Variants in CCDC28A observed in about 807,000 individuals in gnomAD.
CCDC28A encodes coiled-coil domain containing 28A.
Under a neutral mutation model 22.1 loss-of-function variants are expected in CCDC28A, and 24 were observed. The observed-to-expected ratio is 1.09, with a 90% CI of 0.79 to 1.53. The LOEUF is 1.53. CCDC28A is among the 40% of genes most tolerant of loss of function. CCDC28A has a pLI of 0.00. For missense variants in CCDC28A, 170 were observed against 210.7 expected, an observed-to-expected ratio of 0.81 and a Z score of 1.20; for synonymous variants, 83 against 74.7, an observed-to-expected ratio of 1.11 and a Z score of -0.57.
At chr6:138,788,256 C>A in intron 4 of CCDC28A, 110 bp from the exon 5 acceptor site, 1 of 438,946 alleles carries the variant, frequency 2.3e-6, no homozygotes, top group Non-Finnish European at 4.0e-6. Flanking sequence ...TCACTGTGAC[C>A]AGCACAAGAA....
chr6:138,777,823 G>A (rs1299791601), intron 2 of CCDC28A, among the ~76,000 whole-genome samples: 1 of 151,980 alleles, frequency 6.6e-6, no homozygotes, highest in African/African-American at 2.4e-5. Flanking sequence ...AAATTTGAGA[G>A]GAAAAAAATA....
intron 1 of CCDC28A, among the ~76,000 whole-genome samples, chr6:138,774,560 G>A (rs72985034): frequency 0.031 from 4,796 of 152,346 alleles, 113 homozygotes; most frequent in Non-Finnish European, 0.041. Flanking sequence ...TAGAGACTGG[G>A]CATTGGAGCC....
Position 138,776,171 on chromosome 6 carries a change from C to T in CCDC28A, c.51C>T (p.His17=). The part of the protein sequence containing the change: ...KRRSPKSFSA[H]CTQVVNAKKN... ...GGAGTCCTAAGTCTTTTAGTGCCCA[C>T]TGTACTCAGGTTGTCAATGCCAAAA... The change falls in exon 2 of 6, where the codon CAC becomes CAT. Residue 17 remains histidine (H), a synonymous_variant. Coordinates refer to ENST00000617445, the MANE Select transcript of CCDC28A (RefSeq NM_015439.3). 6.2e-7 allele frequency: 1 copy of T among 1,613,848 alleles called. No homozygotes were observed. The highest frequency in any genetic ancestry group is 8.5e-7 in the Non-Finnish European group (1 of 1,179,762).
intron 2 of CCDC28A, among the ~76,000 whole-genome samples, chr6:138,778,879 T>G (rs1182188949): frequency 6.6e-6 from 1 of 151,884 alleles, no homozygotes; most frequent in African/African-American, 2.4e-5. Flanking sequence ...AGGATTCTCC[T>G]GCCTCAGCCT....
At chr6:138,774,754 T>G (rs1387230684) in intron 1 of CCDC28A, among the ~76,000 whole-genome samples, 1 of 152,260 alleles carries the variant, frequency 6.6e-6, no homozygotes, top group South Asian at 2.1e-4. Flanking sequence ...GGTTTGAATC[T>G]TTTTGAATGG....
intron 3 of CCDC28A, among the ~76,000 whole-genome samples, chr6:138,784,972 G>A (rs906057733): frequency 6.6e-6 from 1 of 152,112 alleles, no homozygotes; most frequent in Admixed American, 6.5e-5. Context: ...GATTACAGGC[G>A]TGAGCCACCA....
At position 138,779,849 on chromosome 6, in the gene CCDC28A, G is replaced by A; in HGVS notation, c.186G>A (p.Gln62=). 1 of 1,613,502 alleles carries A rather than the reference G, an allele frequency of 6.2e-7. No individual in the cohort carries two copies. Among genetic ancestry groups the A allele is most frequent in the Non-Finnish European group, 8.5e-7 (1 of 1,179,738 alleles). Residue 62 remains glutamine, a synonymous_variant, in exon 3 of 6, where the codon CAG becomes CAA. Transcript: ENST00000617445. The part of the protein sequence containing the change: ...KRVMKEKTKP[Q]GGEGKGAQST... Reference sequence around the variant, plus strand: ...TGATGAAAGAAAAGACCAAACCTCAGGGTGGAGAGGGCAAAGGCGCTCAGT... The same window carrying A: ...TGATGAAAGAAAAGACCAAACCTCAAGGTGGAGAGGGCAAAGGCGCTCAGT...
chr6:138,790,476 T>G (rs1001421938), intron 5 of CCDC28A, among the ~76,000 whole-genome samples: 1 of 152,154 alleles, frequency 6.6e-6, no homozygotes, highest in Non-Finnish European at 1.5e-5. Context: ...TGTTAAACAT[T>G]TAGAGTTTTT....
At chr6:138,776,411 G>A in intron 2 of CCDC28A, 133 bp downstream of exon 2, 1 of 678,410 alleles carries the variant, frequency 1.5e-6, no homozygotes, top group Non-Finnish European at 2.5e-6. Flanking sequence ...GCGTGATTTA[G>A]AAGAAAAATT....
chr6:138,782,881 A>G (rs1775040031), intron 3 of CCDC28A, among the ~76,000 whole-genome samples: 1 of 152,180 alleles, frequency 6.6e-6, no homozygotes, highest in Admixed American at 6.5e-5. Flanking sequence ...TATTTAGGAT[A>G]TGTACTTCAA....
chr6:138,787,957 CTT>C (rs397886393), intron 4 of CCDC28A, among the ~76,000 whole-genome samples: 897 of 85,186 alleles, frequency 0.011, 4 homozygotes, highest in African/African-American at 0.038. Context: ...TTACAGAAAG[CTT>C]TTTTTTTTTT....
intron 5 of CCDC28A, among the ~76,000 whole-genome samples, chr6:138,790,378 C>T (rs1775154986): frequency 6.6e-6 from 1 of 152,112 alleles, no homozygotes. Flanking sequence ...CTTGAACTCC[C>T]GACTCAGGTG....
intron 5 of CCDC28A, among the ~76,000 whole-genome samples, chr6:138,791,085 TTATATATA>T (rs141640524): frequency 6.6e-6 from 1 of 151,918 alleles, no homozygotes; most frequent in Non-Finnish European, 1.5e-5. Context: ...TCTTAAAATG[TTATATATA>T]TATATTTCTG....
chr6:138,790,454 T>C (rs1775156115), intron 5 of CCDC28A, among the ~76,000 whole-genome samples: 1 of 152,210 alleles, frequency 6.6e-6, no homozygotes, highest in Non-Finnish European at 1.5e-5. Flanking sequence ...CCGGCCCTTT[T>C]TTGTGAGTTT....
chr6:138,785,509 T>C (rs568176588), intron 4 of CCDC28A, 128 bp downstream of exon 4: 28 of 657,542 alleles, frequency 4.3e-5, no homozygotes, highest in Non-Finnish European at 6.1e-5. Context: ...TGCCGATCGC[T>C]GTTGAATTGC....
At chr6:138,775,942 A>G (rs1192512728) in intron 1 of CCDC28A, 137 bp from the exon 2 acceptor site, 5 of 681,254 alleles carry the variant, frequency 7.3e-6, no homozygotes, top group Non-Finnish European at 1.2e-5. Context: ...ATTAAACTTA[A>G]GAGACCCATT....
intron 1 of CCDC28A, among the ~76,000 whole-genome samples, chr6:138,774,754 T>C (rs1387230684): frequency 6.6e-6 from 1 of 152,260 alleles, no homozygotes; most frequent in Non-Finnish European, 1.5e-5. Context: ...GGTTTGAATC[T>C]TTTTGAATGG....
At chr6:138,777,122 A>G (rs536927843) in intron 2 of CCDC28A, among the ~76,000 whole-genome samples, 69 of 152,344 alleles carry the variant, frequency 4.5e-4, no homozygotes, top group African/African-American at 1.5e-3. Context: ...TATAATGTCA[A>G]TCTTCTTTCT....
chr6:138,780,244 A>G (rs965642673), intron 3 of CCDC28A, among the ~76,000 whole-genome samples: 1 of 152,208 alleles, frequency 6.6e-6, no homozygotes, highest in Non-Finnish European at 1.5e-5. Flanking sequence ...GTATCTTGCA[A>G]GTTTAACAAA....
Sources: allele counts gnomAD v4.1 joint callset (sites outside exome capture counted in the v4.1 genomes callset), GRCh38; gene constraint gnomAD v4.1.1; transcripts MANE v1.5; gene names NCBI Gene and HGNC (gene_info 2026-07-23, HGNC 2026-07-21).